The following CCDC134 variants were observed in gnomAD, a reference collection of about 807,000 sequenced individuals.
CCDC134 encodes the protein coiled-coil domain-containing protein 134.
Under a neutral mutation model 25.6 loss-of-function variants are expected in CCDC134, and 27 were observed. That is an observed-to-expected ratio of 1.05 (90% CI 0.78 to 1.45). The LOEUF (loss-of-function observed/expected upper bound fraction) is 1.45, where lower values mean the gene tolerates loss of function less well. Among genes scored for constraint, CCDC134 ranks in the 40% most tolerant of loss-of-function variants. CCDC134 has a pLI of 0.00. For missense variants in CCDC134, 261 were observed against 286.7 expected (o/e 0.91, Z 0.65); for synonymous variants, 110 against 115.0 (o/e 0.96, Z 0.28).
In CCDC134 at chr22:41,832,097, AC is replaced by A. The variant is rs1260084892; in HGVS notation, c.*6275del. The A allele has an allele frequency of 6.6e-6, 1 of 152,178 alleles. No individual in the cohort carries two copies. The highest frequency in any genetic ancestry group is 1.5e-5 in the Non-Finnish European group (1 of 68,032). 9.4% of individuals were successfully genotyped at this position (152,178 alleles called of 1,614,324 possible). ...TCTCACAAACTGGCAGGAAACTTCA[AC>A]TTTTCCCTTTTATCAATATATTGTG... On this transcript the variant is annotated 3_prime_UTR_variant, in exon 7 of 7. Coordinates refer to ENST00000255784, the MANE Select transcript of CCDC134 (RefSeq NM_024821.5).
chr22:41,823,609 C>T (rs1229166240), intron 6 of CCDC134, among the ~76,000 whole-genome samples: 1 of 152,162 alleles, frequency 6.6e-6, no homozygotes, highest in African/African-American at 2.4e-5. Context: ...AAGAAAGATT[C>T]ATCAAAACAA....
At chr22:41,819,396 A>G (rs978240555) in intron 6 of CCDC134, among the ~76,000 whole-genome samples, 1 of 152,202 alleles carries the variant, frequency 6.6e-6, no homozygotes, top group Admixed American at 6.5e-5. Context: ...CAGCCTTGGC[A>G]GGGAGGTGGG....
chr22:41,814,882 G>C (rs778183238), intron 6 of CCDC134, among the ~76,000 whole-genome samples: 3 of 152,198 alleles, frequency 2.0e-5, no homozygotes, highest in Non-Finnish European at 4.4e-5. Flanking sequence ...AGGTGACACA[G>C]AGGGGCCAGG....
chr22:41,823,232 T>C (rs2076660530), intron 6 of CCDC134, among the ~76,000 whole-genome samples: 1 of 150,942 alleles, frequency 6.6e-6, no homozygotes, highest in African/African-American at 2.4e-5. Context: ...TTTTTTTTTT[T>C]TTTTTTTTTT....
chr22:41,820,356 A>G (rs1366223355), intron 6 of CCDC134, among the ~76,000 whole-genome samples: 5 of 149,420 alleles, frequency 3.3e-5, no homozygotes, highest in Non-Finnish European at 5.9e-5. Context: ...CTGGAGTGCA[A>G]TGGTGCGATC....
chr22:41,814,398 T>C (rs1006007895), intron 6 of CCDC134, among the ~76,000 whole-genome samples: 3 of 152,112 alleles, frequency 2.0e-5, no homozygotes, highest in African/African-American at 7.2e-5. Flanking sequence ...AAACTCTGTC[T>C]TTACTAAAAA....
intron 1 of CCDC134, among the ~76,000 whole-genome samples, chr22:41,802,638 G>T (rs2076549113): frequency 6.6e-6 from 1 of 152,146 alleles, no homozygotes; most frequent in Non-Finnish European, 1.5e-5. Flanking sequence ...ATAACATCCG[G>T]GCGCGGTGGC....
Position 41,826,735 on chromosome 22 carries a change from C to T in CCDC134, c.*912C>T, listed in dbSNP as rs2076681542. Among the ~76,000 whole-genome samples, 1 of 152,298 alleles carries T rather than the reference C, an allele frequency of 6.6e-6. No individual in the cohort carries two copies. Among genetic ancestry groups the T allele is most frequent in the South Asian group, 2.1e-4 (1 of 4,826 alleles). The stretch of plus-strand genomic sequence containing the variant: ...GCATGGGTCAGACAGCTTCCCGTCT[C>T]GGGAGGCCACAGGGCAGGGAAGCTG... On this transcript the variant is annotated 3_prime_UTR_variant, in exon 7 of 7. Coordinates refer to ENST00000255784, the MANE Select transcript of CCDC134 (RefSeq NM_024821.5).
At position 41,827,844 on chromosome 22, in the gene CCDC134, G is replaced by A. The variant is rs977079835; in HGVS notation, c.*2021G>A. 5.3e-5 allele frequency among the ~76,000 whole-genome samples: 8 copies of A among 152,304 alleles called. 1 individual carries two copies. Among genetic ancestry groups the A allele is most frequent in the Middle Eastern group, 3.4e-3 (1 of 294 alleles). On this transcript the variant is annotated 3_prime_UTR_variant, in exon 7 of 7. Coordinates refer to ENST00000255784, the MANE Select transcript of CCDC134 (RefSeq NM_024821.5). ...TGGAGCTGGGTGTCAGGACCAGCCC[G>A]CAAGCTCTTCCCTGCCGGAAGGACC...
chr22:41,816,541 C>G (rs2076623612), intron 6 of CCDC134, among the ~76,000 whole-genome samples: 1 of 152,162 alleles, frequency 6.6e-6, no homozygotes, highest in African/African-American at 2.4e-5. Context: ...TTGGGCAGAC[C>G]CTAGGATTGT....
chr22:41,802,943 T>TAAATA (rs1302792743), intron 1 of CCDC134, among the ~76,000 whole-genome samples: 2 of 149,412 alleles, frequency 1.3e-5, no homozygotes, highest in Non-Finnish European at 3.0e-5. Context: ...AAATAAAAAA[T>TAAATA]AAATAAAATA....
At chr22:41,819,963 T>TATATA (rs57794600) in intron 6 of CCDC134, among the ~76,000 whole-genome samples, 5 of 82,616 alleles carry the variant, frequency 6.1e-5, no homozygotes, top group African/African-American at 3.0e-4. Context: ...ACTTACCACT[T>TATATA]TATATATATA....
Position 41,808,983 on chromosome 22 carries a change from CCTGGAGAT to C in CCDC134, c.97_103+1del. 6.2e-7 allele frequency: 1 copy of C among 1,613,184 alleles called. No homozygotes were observed. The highest frequency in any genetic ancestry group is 1.1e-5 in the South Asian group (1 of 91,058). On this transcript the variant is annotated frameshift_variant and splice_region_variant, in exon 2 of 7. Transcript: ENST00000255784. LOFTEE classifies it high-confidence loss of function. The stretch of plus-strand genomic sequence containing the variant: ...CCTTGAGGACCTCCCTGGACCCAAG[CCTGGAGAT>C]CTGTATCCTTTGGGGTTGTAGTTAA...
At chr22:41,820,523 G>A (rs185874955) in intron 6 of CCDC134, among the ~76,000 whole-genome samples, 132 of 152,274 alleles carry the variant, frequency 8.7e-4, no homozygotes, top group African/African-American at 3.0e-3. Context: ...ACACAGGTGT[G>A]GAGGCTGCTG....
intron 6 of CCDC134, among the ~76,000 whole-genome samples, chr22:41,824,716 C>T (rs1013788125): frequency 3.3e-5 from 5 of 152,112 alleles, no homozygotes; most frequent in Admixed American, 3.3e-4. Flanking sequence ...GCCAAGATTT[C>T]ACCACTGCAC....
intron 1 of CCDC134, among the ~76,000 whole-genome samples, chr22:41,804,728 T>G (rs1224281883): frequency 6.6e-6 from 1 of 152,164 alleles, no homozygotes; most frequent in Admixed American, 6.6e-5. Flanking sequence ...AGTATGATAT[T>G]CTAGTTAAAG....
chr22:41,816,906 G>T (rs1420499535), intron 6 of CCDC134, among the ~76,000 whole-genome samples: 1 of 152,098 alleles, frequency 6.6e-6, no homozygotes, highest in African/African-American at 2.4e-5. Context: ...GACTGAGTGA[G>T]ACTGTCTCAC....
Position 41,828,020 on chromosome 22 carries a change from G to A in CCDC134, c.*2197G>A, listed in dbSNP as rs2076687714. On this transcript the variant is annotated 3_prime_UTR_variant, in exon 7 of 7. Transcript: ENST00000255784. ...CCTAGCTTTCTTGGGGTGGCAGGGA[G>A]GCTAAAGCATACCTCAGGACAGTCA... Among the ~76,000 whole-genome samples, 1 of 152,214 alleles carries A rather than the reference G, an allele frequency of 6.6e-6. No individual in the cohort carries two copies. Among genetic ancestry groups the A allele is most frequent in the Non-Finnish European group, 1.5e-5 (1 of 68,034 alleles).
In CCDC134 at chr22:41,825,294, C is replaced by A. The variant is rs28582973; in HGVS notation, c.565-404C>A. ...ATGAAGTCCTCATCCTCCACCCCCC[C>A]ACTTGCCTTGTCATCTGTGACTCTG... On this transcript the variant is annotated intron_variant, in intron 6 of 6. Coordinates refer to ENST00000255784, the MANE Select transcript of CCDC134 (RefSeq NM_024821.5). The surrounding 1 kb of genome is among the most constrained non-coding windows in gnomAD (Gnocchi z 4.4). Among the ~76,000 whole-genome samples, 2 of 151,728 alleles carry A rather than the reference C, an allele frequency of 1.3e-5. No homozygotes were observed. The highest frequency in any genetic ancestry group is 1.9e-4 in the East Asian group (1 of 5,174).
Sources: allele counts gnomAD v4.1 joint callset (sites outside exome capture counted in the v4.1 genomes callset), GRCh38; gene constraint gnomAD v4.1.1; non-coding constraint Gnocchi (gnomAD v3.1); transcripts MANE v1.5; gene names NCBI Gene and HGNC (gene_info 2026-07-23, HGNC 2026-07-21).